CHSY1: variants seen among roughly 807,000 people sequenced by gnomAD.
CHSY1 encodes the protein N-acetylgalactosaminyl-proteoglycan 3-beta-glucuronosyltransferase 1.
CHSY1 carries 13 observed loss-of-function variants against 59.8 expected under a neutral mutation model. The observed-to-expected ratio is 0.22, with a 90% CI of 0.14 to 0.35. CHSY1 has a LOEUF of 0.35. Ranked by LOEUF, CHSY1 falls within the 10% of genes least tolerant of loss-of-function variation. CHSY1 has a pLI of 1.00. For synonymous variants in CHSY1, 459 were observed against 401.2 expected, an observed-to-expected ratio of 1.14 and a Z score of -1.72; for missense variants, 947 against 1,030.6, an observed-to-expected ratio of 0.92 and a Z score of 1.11.
chr15:101,177,049 T>G lies in CHSY1; in HGVS notation c.*339A>C, dbSNP rs2038199680. 1 of 199,236 alleles carries G rather than the reference T, an allele frequency of 5.0e-6. No individual in the cohort carries two copies. Among genetic ancestry groups the G allele is most frequent in the Non-Finnish European group, 1.0e-5 (1 of 97,838 alleles). 12.3% of individuals were successfully genotyped at this position (199,236 alleles called of 1,614,324 possible). A position where few individuals can be genotyped will look rare whatever the true frequency, so the allele number is the denominator to read the frequency against. On this transcript the variant is annotated 3_prime_UTR_variant, in exon 3 of 3. Transcript: ENST00000254190. ...GAACATTTACCAGAGTTACAGTGTTTTGTTACAATAATACTTTGCAGGAAT... is the reference window on the plus strand; with the variant it reads ...GAACATTTACCAGAGTTACAGTGTTGTGTTACAATAATACTTTGCAGGAAT...
chr15:101,214,304 C>T (rs1370421910), intron 2 of CHSY1, among the ~76,000 whole-genome samples: 1 of 152,170 alleles, frequency 6.6e-6, no homozygotes, highest in Non-Finnish European at 1.5e-5. Flanking sequence ...CTCACATACC[C>T]TGAACACCTA....
chr15:101,194,243 G>A (rs970892662), intron 2 of CHSY1, among the ~76,000 whole-genome samples: 2 of 152,170 alleles, frequency 1.3e-5, no homozygotes, highest in Non-Finnish European at 2.9e-5. Context: ...GACCACCCAC[G>A]TGCTACAAAC....
chr15:101,236,606 G>A (rs554938094), intron 1 of CHSY1, among the ~76,000 whole-genome samples: 89 of 152,226 alleles, frequency 5.8e-4, no homozygotes, highest in African/African-American at 1.9e-3. Context: ...CGGATCATGA[G>A]GTCAGGAGAT....
At chr15:101,221,608 T>G (rs2038789968) in intron 2 of CHSY1, among the ~76,000 whole-genome samples, 1 of 152,172 alleles carries the variant, frequency 6.6e-6, no homozygotes, top group Non-Finnish European at 1.5e-5. Context: ...AGAATCAATA[T>G]ATAAGCACCT....
At chr15:101,199,447 G>A (rs2038547630) in intron 2 of CHSY1, among the ~76,000 whole-genome samples, 1 of 152,216 alleles carries the variant, frequency 6.6e-6, no homozygotes, top group Non-Finnish European at 1.5e-5. Flanking sequence ...AAGTTGCAGT[G>A]AGCCGAGATT....
intron 1 of CHSY1, among the ~76,000 whole-genome samples, chr15:101,239,580 G>A (rs1422863317): frequency 1.3e-5 from 2 of 152,208 alleles, no homozygotes; most frequent in Non-Finnish European, 2.9e-5. Flanking sequence ...CACTATGTAA[G>A]TATGACTTAT....
At chr15:101,225,707 A>G (rs1596448785) in intron 2 of CHSY1, among the ~76,000 whole-genome samples, 2 of 152,172 alleles carry the variant, frequency 1.3e-5, no homozygotes, top group East Asian at 3.9e-4. Flanking sequence ...AGCCAAGCAC[A>G]TGCCTGTGCT....
intron 2 of CHSY1, among the ~76,000 whole-genome samples, chr15:101,199,402 C>T (rs1228092255): frequency 6.6e-6 from 1 of 152,180 alleles, no homozygotes; most frequent in Non-Finnish European, 1.5e-5. Context: ...ACTCAGGAGA[C>T]TGAGGCAGGA....
rs2038508055 is a variant in CHSY1, at chr15:101,196,457, C to CA, written c.817-17478dup. On this transcript the variant is annotated intron_variant, in intron 2 of 2. Coordinates refer to ENST00000254190, the MANE Select transcript of CHSY1 (RefSeq NM_014918.5). ...TTTACTGGCAGAAACCAGGAAAACT[C>CA]AGAGAGGTAAAAAGAAACATTAAAC... Among the ~76,000 whole-genome samples the CA allele has an allele frequency of 3.3e-5, 5 of 152,144 alleles. No individual in the cohort carries two copies. In the South Asian group the frequency reaches 1.0e-3, roughly 32 times the overall value.
chr15:101,192,935 C>CGGGAGAGG (rs2038463651), intron 2 of CHSY1, among the ~76,000 whole-genome samples: 1 of 152,230 alleles, frequency 6.6e-6, no homozygotes, highest in Non-Finnish European at 1.5e-5. Flanking sequence ...TACCACTCCT[C>CGGGAGAGG]TCCCATTGAA....
intron 2 of CHSY1, among the ~76,000 whole-genome samples, chr15:101,180,516 G>A (rs915601625): frequency 8.5e-5 from 13 of 152,112 alleles, no homozygotes; most frequent in African/African-American, 2.9e-4. Context: ...AGGCTAGGAG[G>A]AGAAACTCCG....
At chr15:101,196,911 G>GT (rs1366328415) in intron 2 of CHSY1, among the ~76,000 whole-genome samples, 4 of 152,216 alleles carry the variant, frequency 2.6e-5, no homozygotes, top group South Asian at 2.1e-4. Context: ...CACATTGGCT[G>GT]TATGTGACCC....
chr15:101,184,984 C>A (rs560204122), intron 2 of CHSY1, among the ~76,000 whole-genome samples: 1 of 152,182 alleles, frequency 6.6e-6, no homozygotes, highest in African/African-American at 2.4e-5. Flanking sequence ...GAGGGTGATG[C>A]GGGTTTAAGC....
Position 101,235,414 on chromosome 15 carries a change from C to A in CHSY1, c.484G>T (p.Asp162Tyr). The part of the protein sequence containing the change: ...MLKYMHDHYL[D>Y]KYEWFMRADD... ...GCTCTCATAAACCATTCATACTTGT[C>A]CAAGTAGTGGTCGTGCATGTACTTG... Residue 162 changes from aspartate (D) to tyrosine (Y), a missense_variant, in exon 2 of 3, where the codon GAC (aspartate) becomes TAC (tyrosine). Asp to Tyr is a radical substitution (Grantham distance 160, BLOSUM62 -3). Coordinates refer to ENST00000254190, the MANE Select transcript of CHSY1 (RefSeq NM_014918.5). 6.2e-7 allele frequency: 1 copy of A among 1,614,122 alleles called. No homozygotes were observed. Among genetic ancestry groups the A allele is most frequent in the Non-Finnish European group, 8.5e-7 (1 of 1,180,032 alleles).
At chr15:101,241,046 G>T (rs1455499602) in intron 1 of CHSY1, among the ~76,000 whole-genome samples, 1 of 152,170 alleles carries the variant, frequency 6.6e-6, no homozygotes, top group Non-Finnish European at 1.5e-5. Context: ...CACCCCCAAA[G>T]TATTCACCGT....
rs759237249 is a variant in CHSY1, at chr15:101,235,069, ATTCTG to A, written c.816+8_816+12del. On this transcript the variant is annotated splice_region_variant and intron_variant, in intron 2 of 2. Transcript: ENST00000254190. ...AATTAAGTTTTTCCCATGGTAAAGAATTCTGTTCTTACCTCATAAGACCAGACACA... is the reference window on the plus strand; with the variant it reads ...AATTAAGTTTTTCCCATGGTAAAGAATTCTTACCTCATAAGACCAGACACA... 2.5e-6 allele frequency: 4 copies of A among 1,612,926 alleles called. No individual in the cohort carries two copies. The highest frequency in any genetic ancestry group is 1.6e-4 in the Middle Eastern group (1 of 6,062).
intron 2 of CHSY1, among the ~76,000 whole-genome samples, chr15:101,202,752 G>C (rs1400464875): frequency 6.6e-6 from 1 of 152,212 alleles, no homozygotes; most frequent in Non-Finnish European, 1.5e-5. Context: ...ATAAATAGTA[G>C]TTTGCAAATT....
At chr15:101,205,584 T>C (rs528333612) in intron 2 of CHSY1, among the ~76,000 whole-genome samples, 5 of 152,166 alleles carry the variant, frequency 3.3e-5, no homozygotes, top group Non-Finnish European at 7.4e-5. Flanking sequence ...TAACGACTAT[T>C]AGTATTAGCA....
chr15:101,188,262 A>C (rs1282158670), intron 2 of CHSY1: 2 of 887,996 alleles, frequency 2.3e-6, no homozygotes, highest in African/African-American at 3.7e-5. Flanking sequence ...CTAAATGTCA[A>C]GAGACCGTAA....
Sources: gnomAD v4.1 joint callset for allele counts (sites outside exome capture counted in the v4.1 genomes callset) on GRCh38, gnomAD v4.1.1 for gene constraint, MANE v1.5 for transcripts, NCBI Gene and HGNC (gene_info 2026-07-23, HGNC 2026-07-21) for gene names.